SBF1: variants seen among roughly 807,000 people sequenced by gnomAD.
The protein encoded by SBF1 is SET binding factor 1, also known as myotubularin-related protein 5.
Under a neutral mutation model 215.8 loss-of-function variants are expected in SBF1, and 65 were observed. That is an observed-to-expected ratio of 0.30 (90% CI 0.25 to 0.37). The LOEUF is 0.37. Among genes scored for constraint, SBF1 ranks in the 10% least tolerant of loss-of-function variants. The pLI, the probability that SBF1 is intolerant of heterozygous loss-of-function variation, is 1.00. For synonymous variants in SBF1, 1,410 were observed against 1,122.8 expected (o/e 1.26, Z -5.11); for missense variants, 2,634 against 2,667.8 (o/e 0.99, Z 0.28).
chr22:50,448,632 T>C lies in SBF1; in HGVS notation c.5062A>G (p.Thr1688Ala), dbSNP rs2066927673. 1 of 1,611,056 alleles carries C rather than the reference T, an allele frequency of 6.2e-7. No homozygotes were observed. The highest frequency in any genetic ancestry group is 1.3e-5 in the African/African-American group (1 of 74,920). Residue 1688 changes from threonine to alanine, a missense_variant, in exon 37 of 41, where the codon ACA becomes GCA. Coordinates refer to ENST00000380817, the MANE Select transcript of SBF1 (RefSeq NM_002972.4). Reference protein sequence around the residue: ...RLLEELQRLETELGQPAERWK... With the variant: ...RLLEELQRLEAELGQPAERWK... ...CGCTCAGCGGGTTGGCCCAACTCTG[T>C]CTCCAGCCTCTGCAGCTCCTGGGGG... is the stretch of plus-strand genomic sequence containing the variant.
chr22:50,472,867 A>G (rs1488606132), intron 1 of SBF1, among the ~76,000 whole-genome samples: 1 of 152,174 alleles, frequency 6.6e-6, no homozygotes, highest in Non-Finnish European at 1.5e-5. Flanking sequence ...CAAGGCCAGC[A>G]AGCAGCTGAC....
intron 1 of SBF1, 59 bp downstream of exon 1, chr22:50,474,727 C>A: frequency 7.2e-7 from 1 of 1,397,984 alleles, no homozygotes; most frequent in Non-Finnish European, 9.5e-7. Flanking sequence ...GACCCAGCCC[C>A]TGGCCCTCAG....
chr22:50,448,914 AAC>A (rs956701887), intron 36 of SBF1, among the ~76,000 whole-genome samples: 29 of 152,292 alleles, frequency 1.9e-4, no homozygotes, highest in African/African-American at 6.7e-4. Flanking sequence ...GTAAGTTAAA[AAC>A]ACACACCCCG....
chr22:50,448,795 AG>A, intron 36 of SBF1, 145 bp from the exon 37 acceptor site: 1 of 633,454 alleles, frequency 1.6e-6, no homozygotes, highest in Non-Finnish European at 2.8e-6. Context: ...GGCAAGAGGG[AG>A]GGAAGGAATA....
rs757760694 is a variant in SBF1 at position 50,459,582 on chromosome 22, G to C, written c.3576C>G (p.Phe1192Leu). Residue 1192 changes from phenylalanine to leucine, a missense_variant, in exon 27 of 41, where the codon TTC becomes TTG. Physicochemically the swap from Phe to Leu is conservative, Grantham distance 22 (BLOSUM62 0). Transcript: ENST00000380817. ...RVSRCYRQNR[F>L]PVVCWRSGRS... ...GCCCGCTGCGCCAGCAGACCACGGG[G>C]AAGCGGTTCTGGCGGTAGCAGCGGG... 1 of 1,609,636 alleles carries C rather than the reference G, an allele frequency of 6.2e-7. No homozygotes were observed. The highest frequency in any genetic ancestry group is 2.2e-5 in the East Asian group (1 of 44,876).
chr22:50,463,987 C>A (rs1217476013), intron 15 of SBF1, among the ~76,000 whole-genome samples: 1 of 152,230 alleles, frequency 6.6e-6, no homozygotes, highest in African/African-American at 2.4e-5. Context: ...ATGGAGGGAG[C>A]AAGCTCTGTT....
At chr22:50,447,295 C>T in intron 40 of SBF1, 27 bp downstream of exon 40, 1 of 1,613,410 alleles carries the variant, frequency 6.2e-7, no homozygotes, top group Non-Finnish European at 8.5e-7. Flanking sequence ...AGCCCCTCCC[C>T]TCTCCCAAGC....
intron 36 of SBF1, among the ~76,000 whole-genome samples, chr22:50,449,758 ACTGACGG>A (rs1238919861): frequency 2.0e-5 from 3 of 152,124 alleles, no homozygotes; most frequent in Admixed American, 6.5e-5. Context: ...CAACAATAAA[ACTGACGG>A]CTGACTTCAA....
At chr22:50,454,452 T>G in intron 36 of SBF1, 60 bp downstream of exon 36, 1 of 1,432,700 alleles carries the variant, frequency 7.0e-7, no homozygotes, top group Non-Finnish European at 9.7e-7. Context: ...CGCACGACCC[T>G]GGTGTCTGAG....
chr22:50,461,872 G>A lies in SBF1; in HGVS notation c.2570-3C>T, dbSNP rs140466449. 943 of 1,614,036 alleles carry A rather than the reference G, an allele frequency of 5.8e-4. 9 individuals are homozygous for A. The East Asian group carries it at 0.017, about 28-fold the overall frequency. ...CTCGATGTGCATCTGGACAATGTCTGGGGGAAGACAGTTCTCACACTTTGT... is the reference window on the plus strand; with the variant it reads ...CTCGATGTGCATCTGGACAATGTCTAGGGGAAGACAGTTCTCACACTTTGT... On this transcript the variant is annotated splice_polypyrimidine_tract_variant and splice_region_variant and intron_variant, in intron 20 of 40. Coordinates refer to ENST00000380817, the MANE Select transcript of SBF1 (RefSeq NM_002972.4).
Position 50,464,189 on chromosome 22 carries a change from C to T in SBF1, c.1749+140G>A, listed in dbSNP as rs184348401. ...GGAGACCTGGAGCCCACCTACCCTC[C>T]GGCCAGCCCAGCCACCTCTAGCTGT... On this transcript the variant is annotated intron_variant, in intron 15 of 40. Transcript: ENST00000380817. 1.5e-4 allele frequency: 110 copies of T among 711,832 alleles called. No individual in the cohort carries two copies. In the African/African-American group the frequency reaches 1.7e-3, roughly 11 times the overall value. 44.1% of individuals were successfully genotyped at this position (711,832 alleles called of 1,614,324 possible).
Position 50,466,362 on chromosome 22 carries a change from G to T in SBF1, c.776C>A (p.Pro259His). 1 of 1,564,958 alleles carries T rather than the reference G, an allele frequency of 6.4e-7. No individual in the cohort carries two copies. ...GGGCAGGGGTCACCTGTATCTGAGAGGAAACAGCAGTGCCAGGAGGCCCCT... is the reference window on the plus strand; with the variant it reads ...GGGCAGGGGTCACCTGTATCTGAGATGAAACAGCAGTGCCAGGAGGCCCCT... ...ACRGLLALLF[P>H]LRYSFTYVPI... The change falls in exon 7 of 41, where the codon CCT (proline) becomes CAT (histidine). Residue 259 changes from proline to histidine, a missense_variant. Transcript: ENST00000380817.
intron 15 of SBF1, among the ~76,000 whole-genome samples, 191 bp from the exon 16 acceptor site, chr22:50,463,623 C>G (rs2067616466): frequency 6.6e-6 from 1 of 152,240 alleles, no homozygotes; most frequent in Admixed American, 6.5e-5. Flanking sequence ...TACAAGTTCA[C>G]CAGGCCAGAC....
In SBF1 at chr22:50,461,875, G is replaced by A. The variant is rs779320164; in HGVS notation, c.2570-6C>T. The stretch of plus-strand genomic sequence containing the variant: ...GATGTGCATCTGGACAATGTCTGGG[G>A]GAAGACAGTTCTCACACTTTGTGCC... On this transcript the variant is annotated splice_polypyrimidine_tract_variant and splice_region_variant and intron_variant, in intron 20 of 40. Coordinates refer to ENST00000380817, the MANE Select transcript of SBF1 (RefSeq NM_002972.4). The A allele has an allele frequency of 2.5e-6, 4 of 1,614,038 alleles. No homozygotes were observed. The Admixed American group carries it at 5.0e-5, about 20-fold the overall frequency.
rs754399281 is a variant in SBF1, at chr22:50,460,399, G to A, written c.3156C>T (p.Ser1052=). The A allele has an allele frequency of 4.3e-6, 7 of 1,611,438 alleles. No individual in the cohort carries two copies. The highest frequency in any genetic ancestry group is 2.2e-5 in the East Asian group (1 of 44,866). Residue 1052 remains serine (S), a synonymous_variant, in exon 25 of 41, where the codon TCC becomes TCT. Transcript: ENST00000380817. Reference sequence around the variant, plus strand: ...TCTTGGCGTTCTTGACCAGGTTCCGGGACAGGGTTCTGAGGCCCACGAGAG... The same window carrying A: ...TCTTGGCGTTCTTGACCAGGTTCCGAGACAGGGTTCTGAGGCCCACGAGAG... ...KDKGPSLRTL[S]RNLVKNAKKT...
chr22:50,465,542 C>A (rs577355100), intron 10 of SBF1, among the ~76,000 whole-genome samples: 1 of 152,248 alleles, frequency 6.6e-6, no homozygotes, highest in Non-Finnish European at 1.5e-5. Context: ...TGTGATCAGA[C>A]GCCAAGTTCC....
Position 50,456,811 on chromosome 22 carries a change from A to T in SBF1, c.3905-138T>A, listed in dbSNP as rs552152494. ...GGCAGGACCCCAGCAGGGCCGTGCGAGAGGAGGGCTGGAACACACAGATTC... is the reference window on the plus strand; with the variant it reads ...GGCAGGACCCCAGCAGGGCCGTGCGTGAGGAGGGCTGGAACACACAGATTC... On this transcript the variant is annotated intron_variant, in intron 29 of 40. Transcript: ENST00000380817. 1.1e-5 allele frequency: 9 copies of T among 796,838 alleles called. No individual in the cohort carries two copies. The African/African-American group carries it at 1.6e-4, about 14-fold the overall frequency. The allele number at this position is 796,838 out of a possible 1,614,324, so 49.4% of individuals were successfully genotyped here.
At chr22:50,459,765 A>C in intron 26 of SBF1, 99 bp from the exon 27 acceptor site, 1 of 1,380,206 alleles carries the variant, frequency 7.2e-7, no homozygotes, top group East Asian at 2.5e-5. Context: ...GGCTCCCAGC[A>C]GGAGGCGCTT....
Position 50,465,226 on chromosome 22 carries a change from G to A in SBF1, c.1192C>T (p.Arg398Cys), listed in dbSNP as rs368553565. 3.8e-5 allele frequency: 61 copies of A among 1,612,502 alleles called. No homozygotes were observed. The Admixed American group carries it at 4.2e-4, about 11-fold the overall frequency. Residue 398 changes from arginine (R) to cysteine (C), a missense_variant, in exon 11 of 41, where the codon CGC becomes TGC. Coordinates refer to ENST00000380817, the MANE Select transcript of SBF1 (RefSeq NM_002972.4). ...VVRIHPEPVI[R>C]FHKAAFLGQR... ...ACCAGGCACCCCACCTTATGGAAGC[G>A]GATGACAGGCTCCGGGTGGATGCGC...
Sources: gnomAD v4.1 joint callset for allele counts (sites outside exome capture counted in the v4.1 genomes callset) on GRCh38, gnomAD v4.1.1 for gene constraint, MANE v1.5 for transcripts, NCBI Gene and HGNC (gene_info 2026-07-23, HGNC 2026-07-21) for gene names.